The following METTL25 variants were observed in gnomAD, a reference collection of about 807,000 sequenced individuals.
The protein encoded by METTL25 is methyltransferase like 25.
A neutral mutation model predicts 71.6 loss-of-function variants in METTL25; 64 were observed. The ratio of observed to expected loss-of-function variants is 0.89; its 90% CI spans 0.73 to 1.10. The LOEUF (loss-of-function observed/expected upper bound fraction) is 1.10, where lower values mean the gene tolerates loss of function less well. Ranked by LOEUF, METTL25 falls within the 50% of genes least tolerant of loss-of-function variation. The pLI, the probability that METTL25 is intolerant of heterozygous loss-of-function variation, is 0.00. For missense variants in METTL25, 807 were observed against 707.0 expected (o/e 1.14, Z -1.60); for synonymous variants, 287 against 250.3 (o/e 1.15, Z -1.38).
At chr12:82,438,512 C>CT (rs58370071) in intron 7 of METTL25, 14,774 of 211,458 alleles carry the variant, frequency 0.07, 174 homozygotes, top group Middle Eastern at 0.076. Context: ...TTTATGGTTT[C>CT]TTTTTTTTTT....
chr12:82,393,184 T>C (rs1472497384), intron 3 of METTL25, among the ~76,000 whole-genome samples: 1 of 152,090 alleles, frequency 6.6e-6, no homozygotes, highest in Non-Finnish European at 1.5e-5. Flanking sequence ...GATATTCTAA[T>C]AGGGATTGCA....
intron 8 of METTL25, among the ~76,000 whole-genome samples, chr12:82,445,216 G>T (rs1005897283): frequency 6.6e-5 from 10 of 151,710 alleles, no homozygotes; most frequent in Non-Finnish European, 1.5e-5. Context: ...AGAAAATGAG[G>T]TCTATCTTGA....
chr12:82,416,304 T>C (rs1051256539), intron 5 of METTL25, among the ~76,000 whole-genome samples: 1 of 152,132 alleles, frequency 6.6e-6, no homozygotes, highest in Admixed American at 6.6e-5. Flanking sequence ...GCAGAGCAAT[T>C]TTTAGAACTT....
chr12:82,422,412 A>G (rs980563222), intron 5 of METTL25, among the ~76,000 whole-genome samples: 9 of 152,108 alleles, frequency 5.9e-5, no homozygotes, highest in African/African-American at 1.9e-4. Context: ...ATAATGAGCT[A>G]TGTATGACAA....
At chr12:82,407,427 A>G (rs1887188877) in intron 5 of METTL25, among the ~76,000 whole-genome samples, 1 of 152,154 alleles carries the variant, frequency 6.6e-6, no homozygotes, top group African/African-American at 2.4e-5. Flanking sequence ...CAGCAGCTAT[A>G]AACTCTGAAT....
rs1182829543 is a variant in METTL25, at chr12:82,478,996, C to T, written c.1784C>T (p.Ala595Val). Reference protein sequence around the residue: ...FDPVKSPRCYAVIALKKQQ With the variant: ...FDPVKSPRCYVVIALKKQQ ...CCCGTGAAATCTCCCAGATGTTATGCTGTTATTGCCCTGAAGAAGCAGCAG... is the reference window on the plus strand; with the variant it reads ...CCCGTGAAATCTCCCAGATGTTATGTTGTTATTGCCCTGAAGAAGCAGCAG... Residue 595 changes from alanine to valine, a missense_variant, in exon 12 of 12, where the codon GCT (alanine) becomes GTT (valine). Physicochemically the swap from Ala to Val is moderately conservative, Grantham distance 64. Coordinates refer to ENST00000248306, the MANE Select transcript of METTL25 (RefSeq NM_032230.3). The T allele has an allele frequency of 3.7e-6, 6 of 1,612,512 alleles. No homozygotes were observed. In the East Asian group the frequency reaches 1.3e-4, roughly 36 times the overall value.
intron 1 of METTL25, among the ~76,000 whole-genome samples, chr12:82,369,783 T>C (rs113571039): frequency 1.4e-4 from 3 of 20,884 alleles, no homozygotes; most frequent in Non-Finnish European, 2.0e-4. Context: ...TTTTACAGAG[T>C]GTTGATTGGT....
intron 1 of METTL25, among the ~76,000 whole-genome samples, chr12:82,379,973 T>C (rs1215630589): frequency 6.6e-6 from 1 of 152,188 alleles, no homozygotes; most frequent in African/African-American, 2.4e-5. Flanking sequence ...TCTTCTCTAG[T>C]AGCCTGTAAG....
chr12:82,398,232 T>A lies in METTL25; in HGVS notation c.532-563T>A, dbSNP rs561600654. Among the ~76,000 whole-genome samples, 98 of 151,724 alleles carry A rather than the reference T, an allele frequency of 6.5e-4. 3 individuals are homozygous for A. In the South Asian group the frequency reaches 0.02, roughly 31 times the overall value. ...TTCTATTTTAATTGTTTTAAAATTT[T>A]ACTTCCTAATTTTTATTTTTCTTTT... On this transcript the variant is annotated intron_variant, in intron 3 of 11. Transcript: ENST00000248306.
In METTL25 at chr12:82,402,160, A is replaced by G. The variant is rs538702527; in HGVS notation, c.1132-823A>G. Among the ~76,000 whole-genome samples, 11 of 152,208 alleles carry G rather than the reference A, an allele frequency of 7.2e-5. No homozygotes were observed. The East Asian group carries it at 1.9e-3, about 27-fold the overall frequency. ...TAAACATTTCATAGGAGAATTTTAA[A>G]TACGATGTATACTATAAAATTTGGA... On this transcript the variant is annotated intron_variant, in intron 4 of 11. Coordinates refer to ENST00000248306, the MANE Select transcript of METTL25 (RefSeq NM_032230.3).
At chr12:82,451,953 T>C (rs1244006041) in intron 8 of METTL25, among the ~76,000 whole-genome samples, 1 of 152,128 alleles carries the variant, frequency 6.6e-6, no homozygotes, top group East Asian at 1.9e-4. Context: ...TTGCTCTCCT[T>C]TTATTATTTT....
intron 8 of METTL25, among the ~76,000 whole-genome samples, chr12:82,442,888 C>T (rs190968990): frequency 6.6e-6 from 1 of 150,850 alleles, no homozygotes; most frequent in Admixed American, 6.6e-5. Flanking sequence ...TAGAACTGAA[C>T]AAGAAAATGA....
chr12:82,388,022 A>G (rs541441192), intron 2 of METTL25, among the ~76,000 whole-genome samples: 2 of 152,038 alleles, frequency 1.3e-5, no homozygotes, highest in African/African-American at 2.4e-5. Context: ...AGTCTTTTCA[A>G]TCTTAAATCG....
At chr12:82,408,718 T>TTAGTCATAGAGAAATGTATG (rs1887307502) in intron 5 of METTL25, among the ~76,000 whole-genome samples, 1 of 152,032 alleles carries the variant, frequency 6.6e-6, no homozygotes, top group African/African-American at 2.4e-5. Flanking sequence ...ATTTTGTTTG[T>TTAGTCATAGAGAAATGTATG]ACAGTATATG....
intron 3 of METTL25, among the ~76,000 whole-genome samples, chr12:82,397,816 T>C (rs1886215523): frequency 6.6e-6 from 1 of 152,102 alleles, no homozygotes; most frequent in Non-Finnish European, 1.5e-5. Context: ...TATCAGCTGT[T>C]TCTTTCCATT....
chr12:82,391,245 C>T (rs1410626384), intron 3 of METTL25, among the ~76,000 whole-genome samples: 1 of 151,780 alleles, frequency 6.6e-6, no homozygotes, highest in Non-Finnish European at 1.5e-5. Context: ...AGGCAAAGAC[C>T]CAGTCATTTA....
At chr12:82,375,405 G>A (rs984570801) in intron 1 of METTL25, among the ~76,000 whole-genome samples, 1 of 151,416 alleles carries the variant, frequency 6.6e-6, no homozygotes, top group Non-Finnish European at 1.5e-5. Context: ...CTGGCGATTG[G>A]TTTGTTCTTG....
chr12:82,385,264 A>G (rs1245103269), intron 1 of METTL25, among the ~76,000 whole-genome samples: 1 of 152,116 alleles, frequency 6.6e-6, no homozygotes, highest in East Asian at 1.9e-4. Flanking sequence ...CTCATCACTT[A>G]TCTTACTTAT....
chr12:82,399,024 A>G lies in METTL25; in HGVS notation c.761A>G (p.Asn254Ser), dbSNP rs1473761279. ...KERKVQNKVK[N>S]KADTEEVFNN... Reference sequence around the variant, plus strand: ...AGGAAAGTGCAAAATAAAGTTAAAAATAAAGCTGATACTGAGGAAGTGTTT... The same window carrying G: ...AGGAAAGTGCAAAATAAAGTTAAAAGTAAAGCTGATACTGAGGAAGTGTTT... Residue 254 changes from asparagine (N) to serine (S), a missense_variant, in exon 4 of 12, where the codon AAT (asparagine) becomes AGT (serine). Physicochemically the swap from Asn to Ser is conservative, Grantham distance 46. Coordinates refer to ENST00000248306, the MANE Select transcript of METTL25 (RefSeq NM_032230.3). The G allele has an allele frequency of 5.6e-6, 9 of 1,610,620 alleles. No homozygotes were observed. The highest frequency in any genetic ancestry group is 1.3e-5 in the African/African-American group (1 of 74,698).
Sources: allele counts gnomAD v4.1 joint callset (sites outside exome capture counted in the v4.1 genomes callset), GRCh38; gene constraint gnomAD v4.1.1; transcripts MANE v1.5; gene names NCBI Gene and HGNC (gene_info 2026-07-23, HGNC 2026-07-21).